PCDH15: variants seen among roughly 807,000 people sequenced by gnomAD.
The protein encoded by PCDH15 is protocadherin-15.
A neutral mutation model predicts 178.5 loss-of-function variants in PCDH15; 129 were observed. The ratio of observed to expected loss-of-function variants is 0.72; its 90% CI spans 0.63 to 0.84. The LOEUF is 0.84. PCDH15 is among the 40% of genes least tolerant of loss of function. The pLI is 0.00. For synonymous variants in PCDH15, 800 were observed against 732.0 expected (o/e 1.09, Z -1.50); for missense variants, 2,230 against 2,099.9 (o/e 1.06, Z -1.21).
intron 2 of PCDH15, among the ~76,000 whole-genome samples, chr10:54,910,838 C>T (rs761842052): frequency 3.9e-5 from 6 of 152,102 alleles, no homozygotes; most frequent in Non-Finnish European, 7.3e-5. Context: ...GAGATTGGAT[C>T]CAATATTGTA....
chr10:54,108,984 A>G (rs1276075132), intron 15 of PCDH15, among the ~76,000 whole-genome samples: 1 of 151,970 alleles, frequency 6.6e-6, no homozygotes, highest in East Asian at 1.9e-4. Flanking sequence ...TAAACAAAAA[A>G]CCTTGGTCCC....
intron 2 of PCDH15, among the ~76,000 whole-genome samples, chr10:55,375,064 T>C (rs1845587433): frequency 6.6e-6 from 1 of 152,134 alleles, no homozygotes; most frequent in South Asian, 2.1e-4. Flanking sequence ...CCTCACCACA[T>C]ATATGTTGTG....
At chr10:54,761,082 C>T (rs1286185533) in intron 1 of PCDH15, among the ~76,000 whole-genome samples, 2 of 152,002 alleles carry the variant, frequency 1.3e-5, no homozygotes, top group African/African-American at 2.4e-5. Context: ...GACTTGCCTG[C>T]CTCTTTGTCT....
intron 20 of PCDH15, among the ~76,000 whole-genome samples, chr10:54,017,149 G>A (rs1402872482): frequency 6.6e-6 from 1 of 152,062 alleles, no homozygotes; most frequent in East Asian, 1.9e-4. Flanking sequence ...TCAGCCTCCT[G>A]AGTAGCTGGG....
At chr10:55,549,386 TAC>T in intron 2 of PCDH15, among the ~76,000 whole-genome samples, 1 of 152,238 alleles carries the variant, frequency 6.6e-6, no homozygotes, top group Middle Eastern at 3.4e-3. Context: ...CAACATTCAG[TAC>T]AACAAAATTA....
intron 2 of PCDH15, among the ~76,000 whole-genome samples, chr10:55,386,407 C>T (rs1837660642): frequency 6.8e-6 from 1 of 147,862 alleles, no homozygotes; most frequent in South Asian, 2.1e-4. Flanking sequence ...TGATACTGGT[C>T]TGAGAAAGCA....
chr10:55,275,166 A>G (rs1421978815), intron 1 of PCDH15, among the ~76,000 whole-genome samples: 2 of 151,954 alleles, frequency 1.3e-5, no homozygotes, highest in Non-Finnish European at 2.9e-5. Flanking sequence ...CAATTTTGCA[A>G]TCTGTTTAAT....
At chr10:54,019,676 G>A (rs2092851889) in intron 20 of PCDH15, among the ~76,000 whole-genome samples, 1 of 152,052 alleles carries the variant, frequency 6.6e-6, no homozygotes, top group Non-Finnish European at 1.5e-5. Context: ...AATCCAGAGA[G>A]GTTAACAAAG....
At chr10:55,308,807 A>G (rs528435065) in intron 1 of PCDH15, among the ~76,000 whole-genome samples, 1 of 152,198 alleles carries the variant, frequency 6.6e-6, no homozygotes. Flanking sequence ...AAAGAAAACC[A>G]CATTGCTAAA....
chr10:54,881,293 G>A (rs1398391156), intron 3 of PCDH15, among the ~76,000 whole-genome samples: 1 of 152,100 alleles, frequency 6.6e-6, no homozygotes, highest in East Asian at 1.9e-4. Flanking sequence ...CCCTCTGAAA[G>A]AATGAATGTA....
intron 2 of PCDH15, among the ~76,000 whole-genome samples, chr10:55,158,602 TC>T (rs67832313): frequency 0.82 from 124,211 of 151,106 alleles, 53,050 homozygotes; most frequent in East Asian, 0.96. Context: ...TTTCAGAGGG[TC>T]TGGGGTCAAA....
chr10:55,230,592 T>C (rs557312378), intron 1 of PCDH15, among the ~76,000 whole-genome samples: 41 of 151,964 alleles, frequency 2.7e-4, no homozygotes, highest in African/African-American at 9.4e-4. Context: ...TAAAAGGAGA[T>C]TTATAGAAAG....
chr10:54,159,795 C>T (rs1264717863), intron 13 of PCDH15, among the ~76,000 whole-genome samples: 2 of 151,976 alleles, frequency 1.3e-5, no homozygotes, highest in Non-Finnish European at 2.9e-5. Flanking sequence ...TAAAAAAATA[C>T]AGATAAATTA....
intron 1 of PCDH15, among the ~76,000 whole-genome samples, chr10:55,255,719 C>T (rs1330045329): frequency 3.3e-5 from 5 of 151,984 alleles, no homozygotes; most frequent in Non-Finnish European, 7.4e-5. Context: ...ATGAGCATTT[C>T]TTCATGTGTC....
intron 20 of PCDH15, among the ~76,000 whole-genome samples, chr10:53,999,098 C>A (rs930850383): frequency 1.3e-5 from 2 of 151,176 alleles, no homozygotes; most frequent in Non-Finnish European, 2.9e-5. Context: ...AAATGCCAGT[C>A]CTTACCATAC....
upstream of PCDH15, among the ~76,000 whole-genome samples, chr10:54,806,167 G>A (rs537358779): frequency 1.1e-4 from 16 of 152,180 alleles, no homozygotes; most frequent in African/African-American, 3.6e-4. Context: ...GAAGAATTTA[G>A]ACTTTACAAA....
intron 15 of PCDH15, among the ~76,000 whole-genome samples, chr10:54,098,624 G>C (rs1346664234): frequency 6.6e-6 from 1 of 152,106 alleles, no homozygotes; most frequent in African/African-American, 2.4e-5. Flanking sequence ...GAAAAATGTT[G>C]TCAGGCCTCT....
intron 2 of PCDH15, among the ~76,000 whole-genome samples, chr10:55,049,178 G>A (rs1425215010): frequency 5.9e-5 from 9 of 152,054 alleles, no homozygotes; most frequent in Middle Eastern, 3.4e-3. Context: ...TATCTTCAAA[G>A]GACCCAAGCT....
chr10:55,495,249 A>C (rs1056001038), intron 2 of PCDH15, among the ~76,000 whole-genome samples: 1 of 151,908 alleles, frequency 6.6e-6, no homozygotes, highest in East Asian at 2.0e-4. Context: ...AAATATACAT[A>C]AACATATATA....
Sources: gnomAD v4.1 joint callset for allele counts (sites outside exome capture counted in the v4.1 genomes callset) on GRCh38, gnomAD v4.1.1 for gene constraint, MANE v1.5 for transcripts, NCBI Gene and HGNC (gene_info 2026-07-23, HGNC 2026-07-21) for gene names.